Variants in HYDIN observed in about 807,000 individuals in gnomAD.
The protein encoded by HYDIN is HYDIN axonemal central pair apparatus protein.
In HYDIN, 132 loss-of-function variants were observed where a neutral mutation model predicts 403.9. The observed-to-expected ratio is 0.33, with a 90% CI of 0.28 to 0.38. The LOEUF (loss-of-function observed/expected upper bound fraction) is 0.38. Among genes scored for constraint, HYDIN ranks in the 10% least tolerant of loss-of-function variants. The probability of loss-of-function intolerance (pLI) is 1.00; values close to 1 mark genes in which losing one functional copy is unlikely to be tolerated. For missense variants in HYDIN, 2,827 were observed against 5,009.5 expected, an observed-to-expected ratio of 0.56 and a Z score of 13.15; for synonymous variants, 1,202 against 1,891.7, an observed-to-expected ratio of 0.64 and a Z score of 9.46.
chr16:70,810,096 T>C, intron 84 of HYDIN, 89 bp from the exon 85 acceptor site: 1 of 1,234,344 alleles, frequency 8.1e-7, no homozygotes, highest in Non-Finnish European at 1.2e-6. Context: ...CATAGCAGGT[T>C]GGGGGCAGAA....
At chr16:71,190,716 C>G (rs1165862500) in intron 1 of HYDIN, among the ~76,000 whole-genome samples, 1 of 152,114 alleles carries the variant, frequency 6.6e-6, no homozygotes, top group African/African-American at 2.4e-5. Context: ...CACCGGAGTC[C>G]TCTAAATTAA....
chr16:70,993,324 C>T (rs1297585139), intron 23 of HYDIN, among the ~76,000 whole-genome samples: 3 of 152,044 alleles, frequency 2.0e-5, no homozygotes, highest in Non-Finnish European at 2.9e-5. Context: ...ACTATCACCA[C>T]ATTAATAAAC....
chr16:71,177,150 T>C (rs1020894720), intron 4 of HYDIN, among the ~76,000 whole-genome samples: 8 of 152,304 alleles, frequency 5.3e-5, no homozygotes, highest in Admixed American at 3.9e-4. Context: ...ATGTTGGTTA[T>C]CCATGAGAAC....
At chr16:71,218,334 C>T (rs2089000171) in intron 1 of HYDIN, among the ~76,000 whole-genome samples, 2 of 152,210 alleles carry the variant, frequency 1.3e-5, no homozygotes, top group South Asian at 2.1e-4. Context: ...AGCTGCAAAG[C>T]TTTCAGCTGG....
chr16:70,955,822 T>C (rs546759689), intron 39 of HYDIN, among the ~76,000 whole-genome samples: 2 of 152,198 alleles, frequency 1.3e-5, no homozygotes, highest in African/African-American at 4.8e-5. Flanking sequence ...ACAGATTCTT[T>C]TTTTCTTTTT....
intron 16 of HYDIN, among the ~76,000 whole-genome samples, chr16:71,063,821 C>T (rs2356033): frequency 0.39 from 59,544 of 151,066 alleles, 12,493 homozygotes; most frequent in Non-Finnish European, 0.47. Flanking sequence ...TTGGTTACTG[C>T]GAACATGGTG....
intron 60 of HYDIN, among the ~76,000 whole-genome samples, chr16:70,882,395 T>C (rs2040862766): frequency 6.6e-6 from 1 of 152,246 alleles, no homozygotes; most frequent in Non-Finnish European, 1.5e-5. Context: ...CTTTGTCTAT[T>C]TTAGGCACAT....
intron 10 of HYDIN, among the ~76,000 whole-genome samples, chr16:71,094,817 T>C (rs563066012): frequency 6.6e-6 from 1 of 152,308 alleles, no homozygotes; most frequent in South Asian, 2.1e-4. Flanking sequence ...CCCTGGCTGG[T>C]TGGATGGGGC....
intron 18 of HYDIN, among the ~76,000 whole-genome samples, chr16:71,060,088 C>T (rs1295291714): frequency 6.6e-6 from 1 of 151,958 alleles, no homozygotes; most frequent in Non-Finnish European, 1.5e-5. Context: ...GGGAGCACTT[C>T]TAGTTAAAGA....
At chr16:71,182,875 C>T (rs1223819007) in intron 3 of HYDIN, among the ~76,000 whole-genome samples, 1 of 151,714 alleles carries the variant, frequency 6.6e-6, no homozygotes, top group African/African-American at 2.4e-5. Flanking sequence ...GTGAATAATC[C>T]AACAAATAAA....
chr16:70,836,372 A>G, intron 77 of HYDIN, among the ~76,000 whole-genome samples: 1 of 152,236 alleles, frequency 6.6e-6, no homozygotes, highest in Non-Finnish European at 1.5e-5. Context: ...GAGAAGTGGG[A>G]AAACTGGGCT....
At chr16:71,196,060 A>G (rs1296894316) in intron 1 of HYDIN, among the ~76,000 whole-genome samples, 1 of 152,244 alleles carries the variant, frequency 6.6e-6, no homozygotes, top group Non-Finnish European at 1.5e-5. Flanking sequence ...CCCAATTTAC[A>G]TCATTTTCAT....
At chr16:71,171,618 G>A (rs1176718446) in intron 5 of HYDIN, among the ~76,000 whole-genome samples, 1 of 152,134 alleles carries the variant, frequency 6.6e-6, no homozygotes, top group African/African-American at 2.4e-5. Context: ...TTACATTTAT[G>A]AGGTCCATAA....
intron 1 of HYDIN, among the ~76,000 whole-genome samples, chr16:71,226,901 G>T (rs1235963287): frequency 6.6e-6 from 1 of 152,034 alleles, no homozygotes; most frequent in African/African-American, 2.4e-5. Flanking sequence ...TAGTCAGTTA[G>T]TGAGACAATT....
rs74592654 is a variant in HYDIN, at chr16:71,065,382, C to T, written c.2076-542G>A. ...CACTGTGACGGGGTTGTCACTGTGC[C>T]GACATGGCGGGGGTGAGGTGGGGGG... On this transcript the variant is annotated intron_variant, in intron 15 of 85. Transcript: ENST00000393567. Among the ~76,000 whole-genome samples the T allele has an allele frequency of 1.7e-3, 240 of 143,810 alleles. No homozygotes were observed. In the East Asian group the frequency reaches 0.02, roughly 12 times the overall value. The allele number at this position is 143,810 out of a possible 152,430, so 94.3% of individuals were successfully genotyped here. A position where few individuals can be genotyped will look rare whatever the true frequency, so the allele number is the denominator to read the frequency against.
chr16:71,161,542 C>T (rs1285641240), intron 6 of HYDIN, among the ~76,000 whole-genome samples: 1 of 152,166 alleles, frequency 6.6e-6, no homozygotes, highest in African/African-American at 2.4e-5. Context: ...AATGATGTGA[C>T]CTCTCTATCC....
chr16:71,123,344 CA>C (rs2084330091), intron 9 of HYDIN, among the ~76,000 whole-genome samples: 1 of 148,146 alleles, frequency 6.8e-6, no homozygotes, highest in Non-Finnish European at 1.5e-5. Context: ...ACATGCATAA[CA>C]GAACTTCAAC....
intron 62 of HYDIN, among the ~76,000 whole-genome samples, chr16:70,875,670 T>G (rs1381424945): frequency 6.6e-6 from 1 of 152,236 alleles, no homozygotes; most frequent in Admixed American, 6.5e-5. Flanking sequence ...AAGAATTATA[T>G]GTAAGAATAT....
intron 18 of HYDIN, among the ~76,000 whole-genome samples, chr16:71,055,298 T>A (rs1268837887): frequency 6.6e-6 from 1 of 152,240 alleles, no homozygotes; most frequent in Non-Finnish European, 1.5e-5. Flanking sequence ...AAAATGGGAA[T>A]AATAACAGTA....
Sources: gnomAD v4.1 joint callset for allele counts (sites outside exome capture counted in the v4.1 genomes callset) on GRCh38, gnomAD v4.1.1 for gene constraint, MANE v1.5 for transcripts, NCBI Gene and HGNC (gene_info 2026-07-23, HGNC 2026-07-21) for gene names.